The following PTGR1 variants were observed in gnomAD, a reference collection of about 807,000 sequenced individuals.
PTGR1 encodes the protein prostaglandin reductase 1, also known as 15-oxoprostaglandin 13-reductase.
PTGR1 carries 23 observed loss-of-function variants against 37.7 expected under a neutral mutation model. The observed-to-expected ratio is 0.61, with a 90% CI of 0.44 to 0.86. The LOEUF (loss-of-function observed/expected upper bound fraction) is 0.86, where lower values mean the gene tolerates loss of function less well. Ranked by LOEUF, PTGR1 falls within the 40% of genes least tolerant of loss-of-function variation. The pLI, the probability that PTGR1 is intolerant of heterozygous loss-of-function variation, is 0.00. For synonymous variants in PTGR1, 134 were observed against 140.0 expected (o/e 0.96, Z 0.30); for missense variants, 351 against 394.3 (o/e 0.89, Z 0.93).
At chr9:111,570,329 C>G (rs1828755913) in intron 8 of PTGR1, 120 bp from the exon 9 acceptor site, 1 of 1,430,254 alleles carries the variant, frequency 7.0e-7, no homozygotes, top group African/African-American at 1.4e-5. Flanking sequence ...TTCTCCCCTT[C>G]CATTTCCTCA....
chr9:111,552,646 A>G (rs1457793321), intron 9 of PTGR1, among the ~76,000 whole-genome samples: 1 of 152,214 alleles, frequency 6.6e-6, no homozygotes, highest in African/African-American at 2.4e-5. Flanking sequence ...TTGCCTTTAC[A>G]TGAATCGACA....
chr9:111,559,944 A>C (rs1828226479), downstream of PTGR1, among the ~76,000 whole-genome samples: 4 of 151,910 alleles, frequency 2.6e-5, no homozygotes, highest in South Asian at 8.3e-4. Context: ...TTGTACAGAC[A>C]CTCTTCTCCC....
chr9:111,570,786 TAAAA>T (rs1828785233), intron 8 of PTGR1, among the ~76,000 whole-genome samples: 1 of 150,758 alleles, frequency 6.6e-6, no homozygotes, highest in East Asian at 2.0e-4. Context: ...CTCAAAAAAA[TAAAA>T]AGAAAAAAAG....
At chr9:111,568,096 C>A (rs959646401) in intron 9 of PTGR1, among the ~76,000 whole-genome samples, 5 of 152,046 alleles carry the variant, frequency 3.3e-5, no homozygotes, top group African/African-American at 9.7e-5. Context: ...AGAATAACAG[C>A]GATTTTCAGG....
chr9:111,578,883 A>G lies in PTGR1; in HGVS notation c.564T>C (p.Asp188=), dbSNP rs775445794. 2 of 1,613,322 alleles carry G rather than the reference A, an allele frequency of 1.2e-6. No homozygotes were observed. Among genetic ancestry groups the G allele is most frequent in the East Asian group, 2.2e-5 (1 of 44,876 alleles). The change falls in exon 7 of 10, where the codon GAT becomes GAC. Residue 188 remains aspartate, a synonymous_variant. Transcript: ENST00000407693. ...CTACCGTCTTGTAGTTAAAGACGACATCAAATCCAAGCTTTTGAAGGTAGG... is the reference window on the plus strand; with the variant it reads ...CTACCGTCTTGTAGTTAAAGACGACGTCAAATCCAAGCTTTTGAAGGTAGG... ...KVAYLQKLGF[D]VVFNYKTVES...
At position 111,563,159 on chromosome 9, in the gene PTGR1, T is replaced by G; in HGVS notation, c.952A>C (p.Lys318Gln). 6.2e-7 allele frequency: 1 copy of G among 1,614,056 alleles called. No homozygotes were observed. The highest frequency in any genetic ancestry group is 8.5e-7 in the Non-Finnish European group (1 of 1,179,966). ...NMPAAFMGML[K>Q]GDNLGKTIVK... is the part of the protein sequence containing the mutation. ...ATTGTCTTCCCCAAATTATCTCCTTTCAGCATTCCCATAAATGCAGCTGGC... is the reference window on the plus strand; with the variant it reads ...ATTGTCTTCCCCAAATTATCTCCTTGCAGCATTCCCATAAATGCAGCTGGC... The change falls in exon 10 of 10, where the codon AAA (lysine) becomes CAA (glutamine). Residue 318 changes from lysine to glutamine, a missense_variant. Transcript: ENST00000407693.
intron 7 of PTGR1, among the ~76,000 whole-genome samples, chr9:111,578,438 A>T (rs768793293): frequency 5.3e-5 from 8 of 152,210 alleles, no homozygotes; most frequent in Non-Finnish European, 1.2e-4. Flanking sequence ...GATGGGAGAC[A>T]GTGACAGATC....
intron 9 of PTGR1, among the ~76,000 whole-genome samples, chr9:111,551,514 TCTC>T (rs772558014): frequency 6.7e-6 from 1 of 150,082 alleles, no homozygotes; most frequent in African/African-American, 2.4e-5. Flanking sequence ...TTCCAGCAAT[TCTC>T]CTGCTTCAGC....
intron 8 of PTGR1, among the ~76,000 whole-genome samples, chr9:111,570,599 G>A (rs7862533): frequency 0.29 from 44,033 of 150,512 alleles, 7,460 homozygotes; most frequent in Non-Finnish European, 0.4. Context: ...TGAAACCCCC[G>A]TCTCTTCTAA....
At chr9:111,564,313 A>C (rs1589292015) in intron 9 of PTGR1, 1 of 617,822 alleles carries the variant, frequency 1.6e-6, no homozygotes. Context: ...TATTATTATT[A>C]TTATTATTCT....
chr9:111,567,699 A>C (rs958161005), intron 9 of PTGR1, among the ~76,000 whole-genome samples: 1 of 152,196 alleles, frequency 6.6e-6, no homozygotes, highest in Non-Finnish European at 1.5e-5. Flanking sequence ...TTTGGATCAT[A>C]AGAACGGCAG....
intron 4 of PTGR1, chr9:111,589,260 A>G: frequency 5.6e-6 from 2 of 357,680 alleles, no homozygotes; most frequent in Non-Finnish European, 7.8e-6. Context: ...ATGGAGAAGC[A>G]TACCTTGTGT....
intron 6 of PTGR1, among the ~76,000 whole-genome samples, chr9:111,580,894 G>C (rs1294534327): frequency 6.6e-6 from 1 of 152,254 alleles, no homozygotes; most frequent in South Asian, 2.1e-4. Flanking sequence ...TCCTACCAAG[G>C]CCTAAGTGAT....
intron 9 of PTGR1, among the ~76,000 whole-genome samples, chr9:111,550,979 A>G (rs1431605494): frequency 1.3e-5 from 2 of 152,174 alleles, no homozygotes; most frequent in East Asian, 3.8e-4. Flanking sequence ...TTGACTATTT[A>G]TATTTAAGAG....
intron 7 of PTGR1, chr9:111,576,264 A>T: frequency 1.7e-6 from 2 of 1,211,912 alleles, no homozygotes; most frequent in East Asian, 2.3e-5. Flanking sequence ...GTTGGTCCTC[A>T]TTATTAGTGG....
At chr9:111,597,550 C>G (rs1196300760) in intron 1 of PTGR1, 118 bp from the exon 2 acceptor site, 1 of 626,632 alleles carries the variant, frequency 1.6e-6, no homozygotes, top group Admixed American at 2.8e-5. Context: ...CCATCATTAT[C>G]ATATCATGCC....
At chr9:111,549,725 G>C in exon 10 of PTGR1, 1 of 1,548,494 alleles carries the variant, frequency 6.5e-7, no homozygotes. Flanking sequence ...TGCCTTCTAA[G>C]GTAATGGTGA....
intron 2 of PTGR1, among the ~76,000 whole-genome samples, chr9:111,595,043 C>T (rs375762820): frequency 1.2e-4 from 18 of 151,680 alleles, no homozygotes; most frequent in African/African-American, 4.4e-4. Context: ...TTAGTAGGGA[C>T]GGGGTTTCAC....
At chr9:111,565,961 G>A (rs1283722934) in intron 9 of PTGR1, among the ~76,000 whole-genome samples, 1 of 152,066 alleles carries the variant, frequency 6.6e-6, no homozygotes, top group African/African-American at 2.4e-5. Flanking sequence ...CGTATAATTC[G>A]AGCACTTTGT....
Sources: allele counts gnomAD v4.1 joint callset (sites outside exome capture counted in the v4.1 genomes callset), GRCh38; gene constraint gnomAD v4.1.1; transcripts MANE v1.5; gene names NCBI Gene and HGNC (gene_info 2026-07-23, HGNC 2026-07-21).